PFAS: variants seen among roughly 807,000 people sequenced by gnomAD.
PFAS encodes the protein FGAM synthase.
Under a neutral mutation model 140.6 loss-of-function variants are expected in PFAS, and 97 were observed. The observed-to-expected ratio is 0.69, with a 90% confidence interval of 0.59 to 0.82. PFAS has a LOEUF of 0.82. Ranked by LOEUF, PFAS falls within the 40% of genes least tolerant of loss-of-function variation. The pLI is 0.00. For synonymous variants in PFAS, 679 were observed against 718.8 expected (o/e 0.94, Z 0.88); for missense variants, 1,656 against 1,780.2 (o/e 0.93, Z 1.26).
In PFAS at chr17:8,267,299, C is replaced by A; in HGVS notation, c.3175+64C>A. On this transcript the variant is annotated intron_variant, in intron 24 of 27. Coordinates refer to ENST00000314666, the MANE Select transcript of PFAS (RefSeq NM_012393.3). This position sits in a 1 kb window ranked among gnomAD's most constrained non-coding sequence, Gnocchi z 4.9. ...ACTGAGCCTGGATGCCTGGGCCTGC[C>A]CTCAGAAAGGTGTCTGGGGAGTTGG... 6.3e-7 allele frequency: 1 copy of A among 1,585,938 alleles called. No individual in the cohort carries two copies. The highest frequency in any genetic ancestry group is 1.7e-5 in the Admixed American group (1 of 59,834).
chr17:8,258,076 G>A lies in PFAS; in HGVS notation c.1213G>A (p.Ala405Thr), dbSNP rs767302579. 10 of 1,614,108 alleles carry A rather than the reference G, an allele frequency of 6.2e-6. No homozygotes were observed. The Admixed American group carries it at 6.7e-5, about 11-fold the overall frequency. ...KFGEPVLAGF[A>T]RSLGLQLPDG... ...CTCTGATGTTCACACTCCAGGCTTC[G>A]CCCGCTCCTTGGGCCTCCAGCTCCC... The change falls in exon 11 of 28, where the codon GCC (alanine) becomes ACC (threonine). Residue 405 changes from alanine to threonine, a missense_variant. Ala to Thr is a moderately conservative substitution (Grantham distance 58, BLOSUM62 0). Coordinates refer to ENST00000314666, the MANE Select transcript of PFAS (RefSeq NM_012393.3).
At chr17:8,262,307 A>G (rs936676445) in intron 11 of PFAS, among the ~76,000 whole-genome samples, 1 of 152,172 alleles carries the variant, frequency 6.6e-6, no homozygotes, top group African/African-American at 2.4e-5. Context: ...TGTACTTGCT[A>G]ATACAAACGT....
chr17:8,254,404 T>A, intron 3 of PFAS, 103 bp downstream of exon 3: 1 of 1,357,358 alleles, frequency 7.4e-7, no homozygotes, highest in Non-Finnish European at 1.0e-6. Flanking sequence ...ACTTCCTGCC[T>A]AGGAAACCAC....
chr17:8,254,673 G>A (rs993519460), intron 3 of PFAS, among the ~76,000 whole-genome samples: 4 of 151,700 alleles, frequency 2.6e-5, no homozygotes, highest in South Asian at 2.1e-4. Context: ...GTGTGGTGGC[G>A]GGCGCCTGTA....
Position 8,255,666 on chromosome 17 carries a change from G to A in PFAS, c.549G>A (p.Ala183=), listed in dbSNP as rs753866944. ...PINILGEGRL[A]LEKANQELGL... is the part of the protein sequence containing the mutation. Reference sequence around the variant, plus strand: ...ATATACTGGGTGAGGGCCGGCTTGCGCTGGAGAAGGCCAACCAGGAGCTTG... The same window carrying A: ...ATATACTGGGTGAGGGCCGGCTTGCACTGGAGAAGGCCAACCAGGAGCTTG... The change falls in exon 5 of 28, where the codon GCG becomes GCA. Residue 183 remains alanine (A), a synonymous_variant. Coordinates refer to ENST00000314666, the MANE Select transcript of PFAS (RefSeq NM_012393.3). 27 of 1,582,266 alleles carry A rather than the reference G, an allele frequency of 1.7e-5. No individual in the cohort carries two copies. Among genetic ancestry groups the A allele is most frequent in the South Asian group, 9.4e-5 (8 of 85,358 alleles).
intron 4 of PFAS, 140 bp from the exon 5 acceptor site, chr17:8,255,362 G>A (rs1341507357): frequency 3.1e-5 from 22 of 703,038 alleles, no homozygotes; most frequent in East Asian, 5.6e-5. Context: ...TGGAAAGGGC[G>A]TCTTTTTGTA....
At chr17:8,264,003 A>T in intron 15 of PFAS, 67 bp downstream of exon 15, 1 of 1,564,410 alleles carries the variant, frequency 6.4e-7, no homozygotes, top group South Asian at 1.1e-5. Context: ...TATGGGCTAG[A>T]GGGAGAGCTG....
rs376755474 is a variant in PFAS, at chr17:8,265,207, T to C, written c.2281-81T>C. On this transcript the variant is annotated intron_variant, in intron 18 of 27. Coordinates refer to ENST00000314666, the MANE Select transcript of PFAS (RefSeq NM_012393.3). ...TCCATCTGTAGCCCTTCATTTCATG[T>C]TGCAACCTCCCAGTCCGCCTGCACC... 3.1e-5 allele frequency: 48 copies of C among 1,569,070 alleles called. No individual in the cohort carries two copies. The East Asian group carries it at 5.9e-4, about 19-fold the overall frequency.
intron 11 of PFAS, among the ~76,000 whole-genome samples, chr17:8,259,416 G>A (rs1989504439): frequency 6.6e-6 from 1 of 152,076 alleles, no homozygotes. Context: ...GATTACAGGT[G>A]TGAGCCATGG....
At position 8,267,298 on chromosome 17, in the gene PFAS, C is replaced by A; in HGVS notation, c.3175+63C>A. ...CACTGAGCCTGGATGCCTGGGCCTG[C>A]CCTCAGAAAGGTGTCTGGGGAGTTG... On this transcript the variant is annotated intron_variant, in intron 24 of 27. Coordinates refer to ENST00000314666, the MANE Select transcript of PFAS (RefSeq NM_012393.3). The surrounding 1 kb of genome is among the most constrained non-coding windows in gnomAD (Gnocchi z 4.9). 6.3e-7 allele frequency: 1 copy of A among 1,581,024 alleles called. No homozygotes were observed. The highest frequency in any genetic ancestry group is 8.7e-7 in the Non-Finnish European group (1 of 1,151,538).
intron 9 of PFAS, 119 bp downstream of exon 9, chr17:8,257,082 G>A (rs944046451): frequency 3.8e-5 from 42 of 1,110,838 alleles, no homozygotes; most frequent in Non-Finnish European, 1.1e-5. Context: ...AGGAGGAAGG[G>A]CTCTAGGATA....
At chr17:8,252,491 C>T (rs1989195890) in intron 1 of PFAS, among the ~76,000 whole-genome samples, 1 of 151,572 alleles carries the variant, frequency 6.6e-6, no homozygotes, top group African/African-American at 2.4e-5. Context: ...GCAACTTCCG[C>T]CTCCCGGGTT....
intron 9 of PFAS, 68 bp from the exon 10 acceptor site, chr17:8,257,739 A>G: frequency 2.6e-6 from 4 of 1,551,900 alleles, no homozygotes; most frequent in Non-Finnish European, 2.7e-6. Context: ...TTCCTGAAGG[A>G]TGCAGGCTGC....
At position 8,255,883 on chromosome 17, in the gene PFAS, A is replaced by AG. The variant is rs1567636655; in HGVS notation, c.655dup (p.Ala219GlyfsTer3). 6 of 1,613,866 alleles carry AG rather than the reference A, an allele frequency of 3.7e-6. No homozygotes were observed. Among genetic ancestry groups the AG allele is most frequent in the Non-Finnish European group, 5.1e-6 (6 of 1,179,824 alleles). On this transcript the variant is annotated frameshift_variant, in exon 6 of 28. Coordinates refer to ENST00000314666, the MANE Select transcript of PFAS (RefSeq NM_012393.3). LOFTEE classifies it high-confidence loss of function. Reference sequence around the variant, plus strand: ...CTACAGCGGAACCCGAGCACTGTGGAGGCCTTTGACTTGGCGCAGTCCAAT... The same window carrying AG: ...CTACAGCGGAACCCGAGCACTGTGGAGGGCCTTTGACTTGGCGCAGTCCAAT...
rs1471069104 is a variant in PFAS, at chr17:8,256,923, T to C, written c.1035T>C (p.Ala345=). Residue 345 remains alanine, a synonymous_variant, in exon 9 of 28, where the codon GCT becomes GCC. Transcript: ENST00000314666. ...CAGGCCGCGGGGCCCACGTGGTGGC[T>C]GGCACTGCCGGCTATTGCTTTGGAA... is the stretch of plus-strand genomic sequence containing the variant. ...QCTGRGAHVV[A]GTAGYCFGNL... The C allele has an allele frequency of 1.9e-6, 3 of 1,614,084 alleles. No individual in the cohort carries two copies. In the South Asian group the frequency reaches 3.3e-5, roughly 18 times the overall value.
intron 3 of PFAS, 73 bp from the exon 4 acceptor site, chr17:8,254,954 T>C: frequency 3.0e-6 from 3 of 1,016,864 alleles, no homozygotes; most frequent in South Asian, 1.3e-5. Context: ...CAGACAGCAG[T>C]AGGCAGGATC....
At chr17:8,263,317 G>T in intron 13 of PFAS, 52 bp downstream of exon 13, 1 of 1,597,478 alleles carries the variant, frequency 6.3e-7, no homozygotes. Flanking sequence ...ATCCTGCCAG[G>T]TTTCGTTTAG....
At position 8,267,930 on chromosome 17, in the gene PFAS, A is replaced by G. The variant is rs1235651808; in HGVS notation, c.3382+265A>G. 6.9e-6 allele frequency among the ~76,000 whole-genome samples: 1 copy of G among 144,800 alleles called. No homozygotes were observed. Among genetic ancestry groups the G allele is most frequent in the African/African-American group, 2.5e-5 (1 of 39,690 alleles). 95.0% of individuals were successfully genotyped at this position (144,800 alleles called of 152,430 possible). A position where few individuals can be genotyped will look rare whatever the true frequency, so the allele number is the denominator to read the frequency against. On this transcript the variant is annotated intron_variant, in intron 26 of 27. Transcript: ENST00000314666. The surrounding 1 kb of genome is among the most constrained non-coding windows in gnomAD (Gnocchi z 4.9). The stretch of plus-strand genomic sequence containing the variant: ...TATATATATTATTTATATATTATTA[A>G]AATGTATATTATTTATATATTATTA...
Position 8,255,230 on chromosome 17 carries a change from G to A in PFAS, c.384+98G>A, listed in dbSNP as rs1989312830. ...GCAGGGACAGGTGCTCCTGGCTTTA[G>A]GCCTGCTCTGTATGGTCGTACAAGT... On this transcript the variant is annotated intron_variant, in intron 4 of 27. Coordinates refer to ENST00000314666, the MANE Select transcript of PFAS (RefSeq NM_012393.3). The A allele has an allele frequency of 7.7e-6, 7 of 906,276 alleles. No homozygotes were observed. The East Asian group carries it at 1.8e-4, about 23-fold the overall frequency. The allele number at this position is 906,276 out of a possible 1,614,324, so 56.1% of individuals were successfully genotyped here. A position where few individuals can be genotyped will look rare whatever the true frequency, so the allele number is the denominator to read the frequency against.
Sources: allele counts gnomAD v4.1 joint callset (sites outside exome capture counted in the v4.1 genomes callset), GRCh38; gene constraint gnomAD v4.1.1; non-coding constraint Gnocchi (gnomAD v3.1); transcripts MANE v1.5; gene names NCBI Gene and HGNC (gene_info 2026-07-23, HGNC 2026-07-21).